FTO: variants seen among roughly 807,000 people sequenced by gnomAD.
FTO encodes the protein alpha-ketoglutarate-dependent dioxygenase FTO.
FTO carries 47 observed loss-of-function variants against 63.9 expected under a neutral mutation model. The observed-to-expected ratio is 0.74, with a 90% CI of 0.58 to 0.94. FTO has a LOEUF of 0.94. FTO is among the 40% of genes least tolerant of loss of function. FTO has a pLI of 0.00. For missense variants in FTO, 562 were observed against 618.1 expected (o/e 0.91, Z 0.96); for synonymous variants, 207 against 224.4 (o/e 0.92, Z 0.69).
At chr16:53,941,103 G>C (rs1208739553) in intron 8 of FTO, among the ~76,000 whole-genome samples, 1 of 152,192 alleles carries the variant, frequency 6.6e-6, no homozygotes, top group African/African-American at 2.4e-5. Context: ...TTCTCCACCG[G>C]TATCTGTCTC....
chr16:53,815,795 C>T (rs769755170), intron 2 of FTO, among the ~76,000 whole-genome samples: 40 of 151,840 alleles, frequency 2.6e-4, no homozygotes, highest in East Asian at 9.7e-4. Context: ...ACTACAGGCG[C>T]GCGTCACCAT....
rs1035019229 is a variant in FTO at position 53,704,198 on chromosome 16, C to T, written c.14C>T (p.Pro5Leu). 52 of 1,551,350 alleles carry T rather than the reference C, an allele frequency of 3.4e-5. No homozygotes were observed. The highest frequency in any genetic ancestry group is 4.4e-5 in the Non-Finnish European group (50 of 1,146,856). Residue 5 changes from proline (P) to leucine (L), a missense_variant, in exon 1 of 9, where the codon CCG becomes CTG. By Grantham distance (98) the Pro-to-Leu change is moderately conservative. Transcript: ENST00000471389. MKRT[P>L]TAEEREREAK... ...TTTAGTGGCAGCATGAAGCGCACCC[C>T]GACTGCCGAGGAACGAGAGCGCGAA...
intron 8 of FTO, among the ~76,000 whole-genome samples, chr16:54,064,809 A>G (rs1251996340): frequency 6.6e-6 from 1 of 152,180 alleles, no homozygotes; most frequent in South Asian, 2.1e-4. Flanking sequence ...GCCCCTTGCC[A>G]TCACGGGGTG....
At chr16:53,858,763 T>C (rs571379488) in intron 4 of FTO, among the ~76,000 whole-genome samples, 2 of 152,168 alleles carry the variant, frequency 1.3e-5, no homozygotes, top group South Asian at 4.1e-4. Flanking sequence ...TGGGTTCAAA[T>C]GATTCTCCTG....
intron 8 of FTO, among the ~76,000 whole-genome samples, chr16:54,096,876 G>A (rs2086526569): frequency 6.6e-6 from 1 of 152,190 alleles, no homozygotes; most frequent in South Asian, 2.1e-4. Flanking sequence ...AGGAGTTTAA[G>A]ATATGACTTT....
At chr16:53,704,328 T>A in intron 1 of FTO, 99 bp downstream of exon 1, 2 of 1,170,914 alleles carry the variant, frequency 1.7e-6, no homozygotes, top group Non-Finnish European at 2.5e-6. Context: ...TGCGCGGTGT[T>A]AAACTAAGGG....
In FTO at chr16:53,828,894, C is replaced by CT. The variant is rs1237680030; in HGVS notation, c.751+2409dup. ...TCAGGGATTTTATTTTATTATTTTA[C>CT]TTTTTTAATTTTTTGAGACAGAGTG... On this transcript the variant is annotated intron_variant, in intron 3 of 8. Coordinates refer to ENST00000471389, the MANE Select transcript of FTO (RefSeq NM_001080432.3). Among the ~76,000 whole-genome samples, 3 of 152,030 alleles carry CT rather than the reference C, an allele frequency of 2.0e-5. No individual in the cohort carries two copies. The South Asian group carries it at 6.2e-4, about 32-fold the overall frequency.
intron 3 of FTO, among the ~76,000 whole-genome samples, chr16:53,835,239 GGATCCCTTTCTGT>G (rs1239537654): frequency 9.2e-5 from 14 of 152,160 alleles, no homozygotes; most frequent in Middle Eastern, 3.4e-3. Context: ...TGATGCATGG[GGATCCCTTTCTGT>G]GACCTCTTCA....
At chr16:53,835,874 T>C (rs960489248) in intron 3 of FTO, among the ~76,000 whole-genome samples, 6 of 150,516 alleles carry the variant, frequency 4.0e-5, no homozygotes, top group African/African-American at 1.5e-4. Flanking sequence ...TTTTATTAAC[T>C]TCCAACCTGT....
intron 1 of FTO, among the ~76,000 whole-genome samples, chr16:53,742,467 C>T (rs950239189): frequency 3.3e-5 from 5 of 152,152 alleles, no homozygotes; most frequent in Non-Finnish European, 7.3e-5. Flanking sequence ...AAGGTATCTA[C>T]TATCCCTGCC....
chr16:53,993,435 T>C (rs1433918239), intron 8 of FTO: 3 of 152,182 alleles, frequency 2.0e-5, no homozygotes, highest in African/African-American at 7.2e-5. Flanking sequence ...TCTTTGGCAA[T>C]AAAATCTGAA....
chr16:54,117,274 C>T lies in FTO; in HGVS notation c.*5359C>T, dbSNP rs2144647335. 6.6e-6 allele frequency: 1 copy of T among 152,268 alleles called. No individual in the cohort carries two copies. The highest frequency in any genetic ancestry group is 2.4e-5 in the African/African-American group (1 of 41,544). The allele number at this position is 152,268 out of a possible 1,614,324, so 9.4% of individuals were successfully genotyped here. A position where few individuals can be genotyped will look rare whatever the true frequency, so the allele number is the denominator to read the frequency against. On this transcript the variant is annotated 3_prime_UTR_variant, in exon 9 of 9. Transcript: ENST00000471389. The stretch of plus-strand genomic sequence containing the variant: ...GTATTTAAAATGCCTCCCACAGTAC[C>T]TGACATATACTGGGCTTCAGTGAGG...
chr16:53,913,316 A>T (rs541524881), intron 7 of FTO, among the ~76,000 whole-genome samples: 6 of 152,208 alleles, frequency 3.9e-5, no homozygotes, highest in African/African-American at 1.4e-4. Context: ...AGTTTGGTGT[A>T]TTTGATGAGT....
chr16:54,028,750 T>G lies in FTO; in HGVS notation c.1365-83012T>G, dbSNP rs545134925. On this transcript the variant is annotated intron_variant, in intron 8 of 8. Transcript: ENST00000471389. ...CAGTATTTAAAATTATATTAAATTT[T>G]GAAATAATAATAAATTATACTCTGC... 1.7e-4 allele frequency among the ~76,000 whole-genome samples: 26 copies of G among 152,242 alleles called. No homozygotes were observed. The East Asian group carries it at 4.8e-3, about 28-fold the overall frequency.
chr16:53,785,931 G>T (rs537902827), intron 1 of FTO, among the ~76,000 whole-genome samples: 1 of 130,426 alleles, frequency 7.7e-6, no homozygotes, highest in South Asian at 2.5e-4. Flanking sequence ...AAAAAAAAAA[G>T]AAAGTCATGA....
At chr16:53,867,971 C>T (rs1832451810) in intron 4 of FTO, among the ~76,000 whole-genome samples, 1 of 125,456 alleles carries the variant, frequency 8.0e-6, no homozygotes, top group Non-Finnish European at 1.9e-5. Context: ...TATCTTTGCT[C>T]TGAAATCTGC....
chr16:53,942,973 A>G (rs989608768), intron 8 of FTO, among the ~76,000 whole-genome samples: 5 of 152,176 alleles, frequency 3.3e-5, no homozygotes, highest in African/African-American at 1.2e-4. Context: ...TAAATGGAAG[A>G]GATTCCAGGG....
chr16:53,894,728 T>C (rs1443482412), intron 7 of FTO, among the ~76,000 whole-genome samples: 1 of 152,118 alleles, frequency 6.6e-6, no homozygotes, highest in Non-Finnish European at 1.5e-5. Flanking sequence ...TCTCCCATTT[T>C]TCAGGGTTAG....
At chr16:54,093,507 A>T (rs1469806228) in intron 8 of FTO, among the ~76,000 whole-genome samples, 1 of 151,954 alleles carries the variant, frequency 6.6e-6, no homozygotes, top group African/African-American at 2.4e-5. Flanking sequence ...TGTTCTCCTG[A>T]CTCACCGCCG....
Sources: gnomAD v4.1 joint callset for allele counts (sites outside exome capture counted in the v4.1 genomes callset) on GRCh38, gnomAD v4.1.1 for gene constraint, MANE v1.5 for transcripts, NCBI Gene and HGNC (gene_info 2026-07-23, HGNC 2026-07-21) for gene names.